GALNT13: variants seen among roughly 807,000 people sequenced by gnomAD.
GALNT13 encodes the protein polypeptide N-acetylgalactosaminyltransferase 13, also known as UDP-GalNAc:polypeptide N-acetylgalactosaminyltransferase 13.
Under a neutral mutation model 64.2 loss-of-function variants are expected in GALNT13, and 28 were observed. The observed-to-expected ratio is 0.44, with a 90% CI of 0.32 to 0.60. GALNT13 has a LOEUF of 0.60. Ranked by LOEUF, GALNT13 falls within the 20% of genes least tolerant of loss-of-function variation. The pLI is 0.05. For synonymous variants in GALNT13, 214 were observed against 224.6 expected (o/e 0.95, Z 0.42); for missense variants, 577 against 669.8 (o/e 0.86, Z 1.53).
rs909154648 is a variant in GALNT13 at position 153,872,094 on chromosome 2, C to T, written c.-386C>T. On this transcript the variant is annotated 5_prime_UTR_variant, in exon 1 of 13. Transcript: ENST00000392825. ...TGGCCGAGGCTGGAGCCGGCTCCCT[C>T]TGCTCGCGGGCAAGTGTGAAGAGAG... The T allele has an allele frequency of 6.6e-6, 1 of 151,990 alleles. No individual in the cohort carries two copies. Among genetic ancestry groups the T allele is most frequent in the Non-Finnish European group, 1.5e-5 (1 of 68,026 alleles). The allele number at this position is 151,990 out of a possible 1,614,324, so 9.4% of individuals were successfully genotyped here.
chr2:153,329,160 T>C, the GALNT13 span, among the ~76,000 whole-genome samples: 1 of 152,018 alleles, frequency 6.6e-6, no homozygotes, highest in Non-Finnish European at 1.5e-5. Flanking sequence ...CCCAATGAGA[T>C]GAACCGGGTA....
At chr2:153,784,191 A>G in the GALNT13 span, among the ~76,000 whole-genome samples, 1 of 152,204 alleles carries the variant, frequency 6.6e-6, no homozygotes, top group South Asian at 2.1e-4. Context: ...GACTTTTTGA[A>G]TGGCTTTGAC....
intron 4 of GALNT13, among the ~76,000 whole-genome samples, chr2:154,219,603 C>T (rs1688220347): frequency 6.6e-6 from 1 of 152,118 alleles, no homozygotes. Context: ...AAATTCACCA[C>T]TTCAGCTCTT....
At chr2:154,436,014 G>A (rs563930830) in intron 11 of GALNT13, 1 of 152,194 alleles carries the variant, frequency 6.6e-6, no homozygotes, top group South Asian at 2.1e-4. Context: ...TTATTATGAA[G>A]AGTAAAAGAC....
At chr2:153,566,386 G>A in the GALNT13 span, among the ~76,000 whole-genome samples, 2 of 98,730 alleles carry the variant, frequency 2.0e-5, no homozygotes, top group Non-Finnish European at 3.7e-5. Flanking sequence ...ACGGAGTCTC[G>A]TTCTTTTGCC....
chr2:153,446,613 A>G, the GALNT13 span, among the ~76,000 whole-genome samples: 1 of 152,220 alleles, frequency 6.6e-6, no homozygotes, highest in Non-Finnish European at 1.5e-5. Flanking sequence ...CCACATGGAT[A>G]CCGTCACTAT....
At chr2:153,519,990 T>C in the GALNT13 span, among the ~76,000 whole-genome samples, 4 of 152,266 alleles carry the variant, frequency 2.6e-5, no homozygotes, top group South Asian at 2.1e-4. Context: ...TGGCTATTAC[T>C]AACTGCAGAT....
chr2:153,251,505 A>T, the GALNT13 span, among the ~76,000 whole-genome samples: 7 of 152,096 alleles, frequency 4.6e-5, no homozygotes, highest in Non-Finnish European at 5.9e-5. Context: ...GTTTTAGAGT[A>T]CATGTGCACA....
At chr2:153,600,299 A>G in the GALNT13 span, among the ~76,000 whole-genome samples, 1,827 of 152,046 alleles carry the variant, frequency 0.012, 35 homozygotes, top group African/African-American at 0.041. Flanking sequence ...CAAATATAAC[A>G]TGCAATTTTA....
the GALNT13 span, among the ~76,000 whole-genome samples, chr2:153,840,678 T>A: frequency 6.6e-6 from 1 of 152,084 alleles, no homozygotes; most frequent in Non-Finnish European, 1.5e-5. Context: ...TATAAAAGCA[T>A]CTTTAAAAGC....
chr2:153,101,952 A>T, the GALNT13 span, among the ~76,000 whole-genome samples: 479 of 152,386 alleles, frequency 3.1e-3, 2 homozygotes, highest in African/African-American at 0.011. Flanking sequence ...TTATGTATCT[A>T]TAATATTTCA....
At chr2:153,560,878 A>G in the GALNT13 span, among the ~76,000 whole-genome samples, 1 of 152,100 alleles carries the variant, frequency 6.6e-6, no homozygotes, top group Non-Finnish European at 1.5e-5. Context: ...TATTTGAATT[A>G]ATTACATTTA....
intron 9 of GALNT13, among the ~76,000 whole-genome samples, chr2:154,317,997 C>G (rs1694415658): frequency 6.6e-6 from 1 of 151,848 alleles, no homozygotes; most frequent in Non-Finnish European, 1.5e-5. Context: ...TAGATAACTG[C>G]TCTACCTCAA....
At chr2:153,554,955 G>A in the GALNT13 span, among the ~76,000 whole-genome samples, 1 of 152,082 alleles carries the variant, frequency 6.6e-6, no homozygotes, top group Non-Finnish European at 1.5e-5. Flanking sequence ...AGAGCAGGTA[G>A]ATAGAGATTG....
At chr2:153,494,647 A>G in the GALNT13 span, among the ~76,000 whole-genome samples, 2 of 152,088 alleles carry the variant, frequency 1.3e-5, no homozygotes, top group African/African-American at 2.4e-5. Flanking sequence ...AAGTAAAATT[A>G]TAATATTTCA....
At chr2:154,169,208 A>T (rs1341779057) in intron 4 of GALNT13, among the ~76,000 whole-genome samples, 1 of 152,136 alleles carries the variant, frequency 6.6e-6, no homozygotes, top group Admixed American at 6.5e-5. Context: ...TGGAAATCAA[A>T]TCTCAACATG....
chr2:153,548,608 G>A, the GALNT13 span, among the ~76,000 whole-genome samples: 18 of 152,096 alleles, frequency 1.2e-4, no homozygotes, highest in African/African-American at 4.1e-4. Flanking sequence ...AAAGGCCCCT[G>A]ACACTTTTCA....
At chr2:153,491,825 G>A in the GALNT13 span, among the ~76,000 whole-genome samples, 4 of 151,816 alleles carry the variant, frequency 2.6e-5, no homozygotes, top group African/African-American at 7.3e-5. Flanking sequence ...TTCACCATTG[G>A]CCAGGCTGGA....
the GALNT13 span, among the ~76,000 whole-genome samples, chr2:153,643,856 A>G: frequency 6.6e-6 from 1 of 152,014 alleles, no homozygotes; most frequent in Non-Finnish European, 1.5e-5. Context: ...ATGCAGAAAA[A>G]CTTTTTGATA....
Sources: allele counts gnomAD v4.1 joint callset (sites outside exome capture counted in the v4.1 genomes callset), GRCh38; gene constraint gnomAD v4.1.1; transcripts MANE v1.5; gene names NCBI Gene and HGNC (gene_info 2026-07-23, HGNC 2026-07-21).